NRG1: variants seen among roughly 807,000 people sequenced by gnomAD.
The protein encoded by NRG1 is neuregulin 1, also known as pro-neuregulin-1, membrane-bound isoform.
NRG1 carries 18 observed loss-of-function variants against 63.8 expected under a neutral mutation model. The observed-to-expected ratio is 0.28, with a 90% confidence interval of 0.19 to 0.42. The LOEUF (loss-of-function observed/expected upper bound fraction) is 0.42, where lower values mean the gene tolerates loss of function less well. Ranked by LOEUF, NRG1 falls within the 10% of genes least tolerant of loss-of-function variation. NRG1 has a pLI of 1.00. For synonymous variants in NRG1, 302 were observed against 301.3 expected, an observed-to-expected ratio of 1.00 and a Z score of -0.02; for missense variants, 762 against 814.7, an observed-to-expected ratio of 0.94 and a Z score of 0.79.
At chr8:32,751,702 A>G (rs1417324919) in intron 7 of NRG1, among the ~76,000 whole-genome samples, 2 of 152,156 alleles carry the variant, frequency 1.3e-5, no homozygotes, top group African/African-American at 4.8e-5. Context: ...GAATCAGCTC[A>G]TTCTAGTGCT....
At chr8:32,747,732 G>GTATATATATA (rs35663919) in intron 7 of NRG1, among the ~76,000 whole-genome samples, 4,074 of 131,920 alleles carry the variant, frequency 0.031, 125 homozygotes, top group East Asian at 0.13. Context: ...ATGTGTGTGT[G>GTATATATATA]TATATATATA....
intron 1 of NRG1, among the ~76,000 whole-genome samples, chr8:32,556,738 T>G (rs777026120): frequency 3.3e-5 from 5 of 152,216 alleles, no homozygotes; most frequent in Non-Finnish European, 5.9e-5. Context: ...AATTTCGATA[T>G]AGCCAGTTTT....
chr8:32,675,969 AG>A (rs1806998176), intron 5 of NRG1, among the ~76,000 whole-genome samples: 4 of 152,352 alleles, frequency 2.6e-5, no homozygotes, highest in African/African-American at 9.6e-5. Context: ...TGAGAGAATC[AG>A]GAACACTTAG....
chr8:31,868,877 G>T (rs1359623814), intron 1 of NRG1, among the ~76,000 whole-genome samples: 1 of 152,182 alleles, frequency 6.6e-6, no homozygotes, highest in Non-Finnish European at 1.5e-5. Flanking sequence ...TGATTCCATG[G>T]TCTATGCACT....
intron 1 of NRG1, among the ~76,000 whole-genome samples, chr8:31,862,777 G>A (rs529982190): frequency 2.6e-5 from 4 of 152,242 alleles, no homozygotes; most frequent in Admixed American, 1.3e-4. Context: ...TGGCAATTCC[G>A]ATAACAAGAG....
chr8:31,994,900 A>G (rs1811715864), intron 1 of NRG1, among the ~76,000 whole-genome samples: 1 of 151,948 alleles, frequency 6.6e-6, no homozygotes, highest in Non-Finnish European at 1.5e-5. Flanking sequence ...TTAAGTTAAA[A>G]TATTAAATTA....
At chr8:32,707,623 G>A (rs1816754208) in intron 5 of NRG1, among the ~76,000 whole-genome samples, 1 of 151,958 alleles carries the variant, frequency 6.6e-6, no homozygotes, top group East Asian at 1.9e-4. Context: ...CATTAAATAT[G>A]ATATTAATAA....
At chr8:31,867,440 T>C (rs1328372632) in intron 1 of NRG1, among the ~76,000 whole-genome samples, 1 of 152,226 alleles carries the variant, frequency 6.6e-6, no homozygotes, top group Non-Finnish European at 1.5e-5. Context: ...CTTTTGAAAT[T>C]CTTTGTTAGA....
At chr8:31,892,171 T>G (rs1831197852) in intron 1 of NRG1, among the ~76,000 whole-genome samples, 1 of 152,168 alleles carries the variant, frequency 6.6e-6, no homozygotes, top group Non-Finnish European at 1.5e-5. Context: ...TACAACTGCC[T>G]ATGAATTTAC....
chr8:32,458,570 C>T (rs1821904187), intron 1 of NRG1, among the ~76,000 whole-genome samples: 1 of 152,046 alleles, frequency 6.6e-6, no homozygotes, highest in Non-Finnish European at 1.5e-5. Flanking sequence ...CTTTTATTTC[C>T]TATAGGTTTT....
chr8:31,662,790 A>G (rs889166896), intron 1 of NRG1, among the ~76,000 whole-genome samples: 3 of 152,174 alleles, frequency 2.0e-5, no homozygotes, highest in African/African-American at 2.4e-5. Context: ...ACACTTATAG[A>G]TCTGAGAAAT....
chr8:32,079,307 T>C (rs1827092540), intron 1 of NRG1, among the ~76,000 whole-genome samples: 1 of 152,202 alleles, frequency 6.6e-6, no homozygotes, highest in South Asian at 2.1e-4. Flanking sequence ...GCAGATATTA[T>C]AATTATTTTC....
At chr8:31,836,773 G>A (rs989490432) in intron 1 of NRG1, among the ~76,000 whole-genome samples, 5 of 152,038 alleles carry the variant, frequency 3.3e-5, no homozygotes, top group Non-Finnish European at 7.4e-5. Flanking sequence ...TTTCATGTGT[G>A]CAAATACATT....
At chr8:31,812,580 C>T (rs1331482055) in intron 1 of NRG1, among the ~76,000 whole-genome samples, 1 of 151,482 alleles carries the variant, frequency 6.6e-6, no homozygotes, top group African/African-American at 2.4e-5. Context: ...TTCCTCCTCC[C>T]CTTCCTCCTC....
chr8:31,781,666 GC>G (rs1281677283), intron 1 of NRG1, among the ~76,000 whole-genome samples: 2 of 152,098 alleles, frequency 1.3e-5, no homozygotes, highest in Non-Finnish European at 2.9e-5. Context: ...ATGAACATAA[GC>G]CTAAAAAGGT....
At chr8:32,227,024 C>G (rs991596510) in intron 1 of NRG1, among the ~76,000 whole-genome samples, 1 of 152,190 alleles carries the variant, frequency 6.6e-6, no homozygotes, top group South Asian at 2.1e-4. Flanking sequence ...GGTAAAAATT[C>G]TGAAACAGGC....
intron 1 of NRG1, among the ~76,000 whole-genome samples, chr8:32,048,806 T>C (rs1821510263): frequency 6.6e-6 from 1 of 152,018 alleles, no homozygotes; most frequent in African/African-American, 2.4e-5. Context: ...GCCCGTTTTT[T>C]AATCGGGTTG....
At chr8:32,534,346 C>T (rs1193553555) in intron 1 of NRG1, among the ~76,000 whole-genome samples, 1 of 152,118 alleles carries the variant, frequency 6.6e-6, no homozygotes, top group African/African-American at 2.4e-5. Flanking sequence ...CTGTATTCCT[C>T]AAGCTATAAA....
intron 1 of NRG1, among the ~76,000 whole-genome samples, chr8:31,867,337 A>T (rs923814016): frequency 2.0e-5 from 3 of 152,126 alleles, no homozygotes; most frequent in Non-Finnish European, 4.4e-5. Context: ...TTTTATTATT[A>T]TTAATTTGGT....
Sources: allele counts gnomAD v4.1 joint callset (sites outside exome capture counted in the v4.1 genomes callset), GRCh38; gene constraint gnomAD v4.1.1; transcripts MANE v1.5; gene names NCBI Gene and HGNC (gene_info 2026-07-23, HGNC 2026-07-21).